The following EVI5 variants were observed in gnomAD, a reference collection of about 807,000 sequenced individuals.
The protein encoded by EVI5 is ecotropic viral integration site 5 protein homolog.
Under a neutral mutation model 112.0 loss-of-function variants are expected in EVI5, and 73 were observed. The ratio of observed to expected loss-of-function variants is 0.65; its 90% confidence interval spans 0.54 to 0.79. The LOEUF is 0.79. EVI5 is among the 30% of genes least tolerant of loss of function. The pLI, the probability that EVI5 is intolerant of heterozygous loss-of-function variation, is 0.00. For missense variants in EVI5, 900 were observed against 968.8 expected (o/e 0.93, Z 0.94); for synonymous variants, 305 against 319.9 (o/e 0.95, Z 0.50).
At chr1:92,529,176 G>T (rs578012987) in intron 19 of EVI5, among the ~76,000 whole-genome samples, 94 of 152,124 alleles carry the variant, frequency 6.2e-4, no homozygotes, top group Non-Finnish European at 1.1e-3. Context: ...TCTTCATATA[G>T]ACCCATAAGA....
At chr1:92,539,468 G>A (rs1053111026) in intron 19 of EVI5, among the ~76,000 whole-genome samples, 2 of 150,976 alleles carry the variant, frequency 1.3e-5, no homozygotes, top group Non-Finnish European at 3.0e-5. Flanking sequence ...GCGGGAACCC[G>A]GGAGGCGGAA....
At chr1:92,568,622 C>A (rs1330648045) in intron 18 of EVI5, among the ~76,000 whole-genome samples, 5 of 152,080 alleles carry the variant, frequency 3.3e-5, no homozygotes, top group Admixed American at 1.3e-4. Context: ...TGACCCATAA[C>A]ATGGCTTTGA....
chr1:92,637,984 G>A (rs1352826385), intron 13 of EVI5, among the ~76,000 whole-genome samples: 1 of 152,034 alleles, frequency 6.6e-6, no homozygotes, highest in African/African-American at 2.4e-5. Flanking sequence ...TTATCAATTA[G>A]GAAAAAGGCA....
chr1:92,584,779 T>C (rs1672518117), intron 18 of EVI5, among the ~76,000 whole-genome samples: 1 of 152,206 alleles, frequency 6.6e-6, no homozygotes, highest in Non-Finnish European at 1.5e-5. Flanking sequence ...ATAAATGTCT[T>C]TTAAAAACCA....
chr1:92,736,661 G>A (rs757391870), intron 1 of EVI5, 34 bp from the exon 2 acceptor site: 2 of 1,330,152 alleles, frequency 1.5e-6, no homozygotes, highest in South Asian at 1.2e-5. Flanking sequence ...ATATACTTTA[G>A]TTACACTGTA....
At chr1:92,609,863 TTCTC>T (rs111822989) in intron 16 of EVI5, among the ~76,000 whole-genome samples, 29,282 of 151,288 alleles carry the variant, frequency 0.19, 3,353 homozygotes, top group Non-Finnish European at 0.25. Flanking sequence ...GTCGTTCTCA[TTCTC>T]TCTCTCTTTT....
At chr1:92,554,892 G>T (rs747098188) in intron 19 of EVI5, among the ~76,000 whole-genome samples, 17 of 152,172 alleles carry the variant, frequency 1.1e-4, no homozygotes, top group Non-Finnish European at 2.4e-4. Context: ...GAGGTCGGAG[G>T]ATCACTTGAG....
chr1:92,555,173 CT>C (rs1667492776), intron 19 of EVI5, among the ~76,000 whole-genome samples: 1 of 152,046 alleles, frequency 6.6e-6, no homozygotes, highest in Non-Finnish European at 1.5e-5. Context: ...GTATGAGATC[CT>C]GAAACTTCTG....
upstream of EVI5, chr1:92,785,189 G>T: frequency 1.2e-6 from 1 of 830,382 alleles, no homozygotes; most frequent in Non-Finnish European, 1.5e-6. Flanking sequence ...GGGGCCGGGC[G>T]GGCCGGCCGA....
At chr1:92,744,598 T>TCACACA (rs758493472) in intron 1 of EVI5, among the ~76,000 whole-genome samples, 11 of 58,566 alleles carry the variant, frequency 1.9e-4, no homozygotes, top group South Asian at 1.1e-3. Context: ...TCTCTCTCTC[T>TCACACA]CTCACACACA....
intron 2 of EVI5, among the ~76,000 whole-genome samples, chr1:92,706,556 T>G (rs1351677135): frequency 1.3e-5 from 2 of 152,210 alleles, no homozygotes; most frequent in African/African-American, 4.8e-5. Context: ...GTTCGAGGTG[T>G]AATCCAAGTA....
upstream of EVI5, among the ~76,000 whole-genome samples, chr1:92,788,343 G>A (rs1021045721): frequency 3.3e-5 from 5 of 151,816 alleles, no homozygotes; most frequent in South Asian, 2.1e-4. Flanking sequence ...GCATGGTGGC[G>A]TGTGCCTGTA....
At chr1:92,613,356 T>C (rs1457252518) in intron 16 of EVI5, among the ~76,000 whole-genome samples, 2 of 151,946 alleles carry the variant, frequency 1.3e-5, no homozygotes, top group African/African-American at 4.8e-5. Context: ...TGGAGTGCAA[T>C]GGTGCGACCT....
intron 1 of EVI5, among the ~76,000 whole-genome samples, chr1:92,770,651 G>A (rs12737363): frequency 4.0e-5 from 6 of 151,068 alleles, no homozygotes; most frequent in East Asian, 2.0e-4. Context: ...TTAGCCGGGC[G>A]TGGTGGCAGG....
chr1:92,677,056 G>T, intron 10 of EVI5, 102 bp downstream of exon 10: 1 of 738,830 alleles, frequency 1.4e-6, no homozygotes, highest in Non-Finnish European at 2.3e-6. Context: ...CTAGTAGGAT[G>T]GTAAATACAT....
intron 2 of EVI5, among the ~76,000 whole-genome samples, chr1:92,721,149 C>A (rs143278489): frequency 2.1e-4 from 32 of 152,336 alleles, no homozygotes; most frequent in Admixed American, 4.6e-4. Context: ...ACTAGAAATA[C>A]CACTTGACTC....
chr1:92,705,321 T>A (rs185686187), intron 2 of EVI5, among the ~76,000 whole-genome samples: 29 of 152,248 alleles, frequency 1.9e-4, no homozygotes, highest in Non-Finnish European at 3.8e-4. Flanking sequence ...TTTCACATAT[T>A]TGCTTATATG....
At chr1:92,520,105 T>C (rs1159256845) in intron 19 of EVI5, among the ~76,000 whole-genome samples, 2 of 152,138 alleles carry the variant, frequency 1.3e-5, no homozygotes, top group African/African-American at 4.8e-5. Context: ...CTAAAAGTTG[T>C]GCATATAGTT....
intron 18 of EVI5, among the ~76,000 whole-genome samples, chr1:92,584,375 G>A (rs192301997): frequency 1.4e-4 from 21 of 152,070 alleles, no homozygotes; most frequent in East Asian, 1.4e-3. Context: ...TATTTTCAAC[G>A]CACATATGAA....
Sources: allele counts gnomAD v4.1 joint callset (sites outside exome capture counted in the v4.1 genomes callset), GRCh38; gene constraint gnomAD v4.1.1; transcripts MANE v1.5; gene names NCBI Gene and HGNC (gene_info 2026-07-23, HGNC 2026-07-21).